SNX29: variants seen among roughly 807,000 people sequenced by gnomAD.
The protein encoded by SNX29 is sorting nexin-29.
A neutral mutation model predicts 102.1 loss-of-function variants in SNX29; 78 were observed. That is an observed-to-expected ratio of 0.76 (90% CI 0.64 to 0.92). The LOEUF (loss-of-function observed/expected upper bound fraction) is 0.92. SNX29 is among the 40% of genes least tolerant of loss of function. The pLI is 0.00. For synonymous variants in SNX29, 580 were observed against 414.5 expected (o/e 1.40, Z -4.85); for missense variants, 1,280 against 1,061.7 (o/e 1.21, Z -2.86).
intron 13 of SNX29, among the ~76,000 whole-genome samples, chr16:12,189,579 C>T (rs548209941): frequency 6.6e-6 from 1 of 152,228 alleles, no homozygotes; most frequent in East Asian, 1.9e-4. Context: ...AACTTTGATC[C>T]TCTGATTAAA....
intron 15 of SNX29, among the ~76,000 whole-genome samples, chr16:12,303,636 G>C (rs527627302): frequency 1.3e-5 from 2 of 152,332 alleles, no homozygotes; most frequent in South Asian, 4.1e-4. Flanking sequence ...GCCAGCATTG[G>C]AGAGAGGTTC....
intron 2 of SNX29, among the ~76,000 whole-genome samples, chr16:12,001,454 C>T (rs147447303): frequency 1.9e-4 from 29 of 151,894 alleles, no homozygotes; most frequent in Middle Eastern, 3.4e-3. Context: ...GTTATTTTGA[C>T]GGTTAAAGTG....
intron 20 of SNX29, among the ~76,000 whole-genome samples, chr16:12,559,414 G>A (rs1171653213): frequency 6.6e-6 from 1 of 151,290 alleles, no homozygotes; most frequent in Non-Finnish European, 1.5e-5. Context: ...GGACCATCTA[G>A]TTGCAGGAAA....
At chr16:12,303,151 A>G (rs1596824606) in intron 15 of SNX29, among the ~76,000 whole-genome samples, 1 of 152,336 alleles carries the variant, frequency 6.6e-6, no homozygotes, top group East Asian at 1.9e-4. Flanking sequence ...GTAGACTGGC[A>G]GTCGATAGAG....
intron 14 of SNX29, among the ~76,000 whole-genome samples, chr16:12,211,957 A>G (rs555997062): frequency 2.6e-5 from 4 of 152,196 alleles, no homozygotes; most frequent in Admixed American, 6.5e-5. Context: ...ACATGAAGTT[A>G]ATCATTACAG....
Position 12,571,984 on chromosome 16 carries a change from A to C in SNX29, c.*3355A>C. The C allele has an allele frequency of 1.9e-6, 2 of 1,062,048 alleles. No individual in the cohort carries two copies. The highest frequency in any genetic ancestry group is 2.3e-6 in the Non-Finnish European group (2 of 877,162). 65.8% of individuals were successfully genotyped at this position (1,062,048 alleles called of 1,614,324 possible). On this transcript the variant is annotated 3_prime_UTR_variant, in exon 21 of 21. Coordinates refer to ENST00000566228, the MANE Select transcript of SNX29 (RefSeq NM_032167.5). ...AGTCTATGGTGGTAGCCATCTTCACATCCAGTCACCAGTTGCATCTAGGGA... is the reference window on the plus strand; with the variant it reads ...AGTCTATGGTGGTAGCCATCTTCACCTCCAGTCACCAGTTGCATCTAGGGA...
At chr16:12,380,753 TC>T (rs2083074910) in intron 16 of SNX29, among the ~76,000 whole-genome samples, 1 of 82,988 alleles carries the variant, frequency 1.2e-5, no homozygotes, top group Non-Finnish European at 2.4e-5. Flanking sequence ...CCACCCACCA[TC>T]CATCCACCCA....
rs570501901 is a variant in SNX29, at chr16:12,207,646, C to A, written c.1678+7963C>A. On this transcript the variant is annotated intron_variant, in intron 14 of 20. Coordinates refer to ENST00000566228, the MANE Select transcript of SNX29 (RefSeq NM_032167.5). Reference sequence around the variant, plus strand: ...CGACCCCACTCTTGGCTCATCCAGTCTCCTTTCCTAGAAACTCCGCTTCCC... The same window carrying A: ...CGACCCCACTCTTGGCTCATCCAGTATCCTTTCCTAGAAACTCCGCTTCCC... 1.6e-4 allele frequency among the ~76,000 whole-genome samples: 24 copies of A among 152,274 alleles called. No individual in the cohort carries two copies. In the South Asian group the frequency reaches 5.0e-3, roughly 32 times the overall value.
intron 15 of SNX29, among the ~76,000 whole-genome samples, chr16:12,335,207 T>C (rs560809099): frequency 6.6e-6 from 1 of 152,198 alleles, no homozygotes; most frequent in African/African-American, 2.4e-5. Flanking sequence ...GTCTGAGTTA[T>C]AGATCTTTGA....
intron 3 of SNX29, among the ~76,000 whole-genome samples, chr16:12,007,065 GT>G (rs1307650769): frequency 3.3e-5 from 5 of 151,814 alleles, no homozygotes; most frequent in Non-Finnish European, 5.9e-5. Context: ...TTGAGGCTGA[GT>G]TTAAAAAAAA....
At chr16:12,020,579 G>A (rs2151091837) in intron 3 of SNX29, among the ~76,000 whole-genome samples, 1 of 151,520 alleles carries the variant, frequency 6.6e-6, no homozygotes, top group Non-Finnish European at 1.5e-5. Flanking sequence ...GATTAAGCAT[G>A]TGAACCTTTT....
intron 7 of SNX29, among the ~76,000 whole-genome samples, chr16:12,051,591 G>C (rs2050306217): frequency 2.0e-5 from 3 of 152,312 alleles, no homozygotes; most frequent in South Asian, 4.1e-4. Flanking sequence ...TCGCATCAAA[G>C]TGACTGCTTA....
At chr16:12,201,286 A>G (rs1327794349) in intron 14 of SNX29, among the ~76,000 whole-genome samples, 2 of 152,156 alleles carry the variant, frequency 1.3e-5, no homozygotes, top group African/African-American at 4.8e-5. Flanking sequence ...TGGTCTCCCA[A>G]GTTTTTACAT....
At chr16:12,502,128 A>G (rs1435052030) in intron 19 of SNX29, among the ~76,000 whole-genome samples, 1 of 152,218 alleles carries the variant, frequency 6.6e-6, no homozygotes, top group East Asian at 1.9e-4. Flanking sequence ...TGCTCCGTCC[A>G]GATGTGCGAG....
At chr16:12,160,407 A>G (rs939470776) in intron 13 of SNX29, among the ~76,000 whole-genome samples, 6 of 152,232 alleles carry the variant, frequency 3.9e-5, no homozygotes, top group African/African-American at 1.4e-4. Flanking sequence ...TAGCCCACCA[A>G]CTTTAGAAGG....
At chr16:12,240,722 T>G (rs1241827711) in intron 14 of SNX29, among the ~76,000 whole-genome samples, 2 of 149,982 alleles carry the variant, frequency 1.3e-5, no homozygotes, top group Middle Eastern at 3.5e-3. Flanking sequence ...TCTTCAGCCT[T>G]CCAAGTAGCT....
chr16:12,564,515 T>C (rs1022962189), intron 20 of SNX29, among the ~76,000 whole-genome samples: 15 of 152,198 alleles, frequency 9.9e-5, no homozygotes, highest in Non-Finnish European at 2.2e-4. Flanking sequence ...GGAACTCAAG[T>C]TTTCTGACTC....
intron 8 of SNX29, among the ~76,000 whole-genome samples, chr16:12,059,178 C>T (rs754582402): frequency 9.9e-5 from 15 of 152,050 alleles, no homozygotes; most frequent in Admixed American, 2.6e-4. Context: ...GCATATGTTG[C>T]GGGGAAGGGT....
intron 1 of SNX29, among the ~76,000 whole-genome samples, chr16:11,984,568 T>C (rs1394173024): frequency 6.6e-6 from 1 of 152,176 alleles, no homozygotes; most frequent in African/African-American, 2.4e-5. Context: ...GTACAACTTT[T>C]AACTATTGAT....
Sources: allele counts gnomAD v4.1 joint callset (sites outside exome capture counted in the v4.1 genomes callset), GRCh38; gene constraint gnomAD v4.1.1; transcripts MANE v1.5; gene names NCBI Gene and HGNC (gene_info 2026-07-23, HGNC 2026-07-21).